Variants in NRXN3 observed in about 807,000 individuals in gnomAD.
The protein encoded by NRXN3 is neurexin III.
In NRXN3, 32 loss-of-function variants were observed where a neutral mutation model predicts 137.6. The observed-to-expected ratio is 0.23, with a 90% confidence interval of 0.18 to 0.31. NRXN3 has a LOEUF of 0.31. Ranked by LOEUF, NRXN3 falls within the 10% of genes least tolerant of loss-of-function variation. NRXN3 has a pLI of 1.00. For missense variants in NRXN3, 1,574 were observed against 2,062.5 expected, an observed-to-expected ratio of 0.76 and a Z score of 4.59; for synonymous variants, 798 against 784.5, an observed-to-expected ratio of 1.02 and a Z score of -0.29.
intron 2 of NRXN3, among the ~76,000 whole-genome samples, chr14:78,274,079 C>T (rs1282910028): frequency 3.9e-5 from 6 of 152,150 alleles, no homozygotes; most frequent in East Asian, 1.9e-4. Flanking sequence ...ACCTGTCCGT[C>T]CAAATGATCT....
chr14:79,140,253 G>T (rs1298905060), intron 15 of NRXN3, among the ~76,000 whole-genome samples: 1 of 152,072 alleles, frequency 6.6e-6, no homozygotes, highest in Non-Finnish European at 1.5e-5. Context: ...TGGTCATATG[G>T]TGCTTACATG....
chr14:78,623,740 G>C lies in NRXN3; in HGVS notation c.758-21380G>C, dbSNP rs546282316. On this transcript the variant is annotated intron_variant, in intron 4 of 20. Transcript: ENST00000335750. ...ACACCACCACGCCTGGCTAATTTTTGTATGTTTAGTAGAGACGGGGTTTCA... is the reference window on the plus strand; with the variant it reads ...ACACCACCACGCCTGGCTAATTTTTCTATGTTTAGTAGAGACGGGGTTTCA... Among the ~76,000 whole-genome samples, 4 of 152,132 alleles carry C rather than the reference G, an allele frequency of 2.6e-5. No homozygotes were observed. In the South Asian group the frequency reaches 8.3e-4, roughly 32 times the overall value.
intron 16 of NRXN3, among the ~76,000 whole-genome samples, chr14:79,658,955 C>T (rs1253335626): frequency 6.6e-6 from 1 of 152,200 alleles, no homozygotes; most frequent in Admixed American, 6.5e-5. Context: ...AGATAGCCTT[C>T]AGTGACATCT....
chr14:79,564,479 T>C (rs1402803512), intron 16 of NRXN3, among the ~76,000 whole-genome samples: 2 of 152,148 alleles, frequency 1.3e-5, no homozygotes, highest in Non-Finnish European at 2.9e-5. Context: ...GTTAGCTAAG[T>C]GCTAAATATA....
intron 15 of NRXN3, among the ~76,000 whole-genome samples, chr14:79,215,416 A>G (rs972640218): frequency 7.3e-5 from 11 of 151,694 alleles, no homozygotes; most frequent in African/African-American, 2.7e-4. Flanking sequence ...TATATATAGA[A>G]TTAGTACATT....
chr14:79,228,147 A>T (rs1388980586), intron 15 of NRXN3, among the ~76,000 whole-genome samples: 1 of 152,052 alleles, frequency 6.6e-6, no homozygotes, highest in Non-Finnish European at 1.5e-5. Flanking sequence ...AATGGAACTG[A>T]TGTTAGTGAT....
intron 4 of NRXN3, among the ~76,000 whole-genome samples, chr14:78,310,632 T>C (rs2077874372): frequency 6.6e-6 from 1 of 152,088 alleles, no homozygotes; most frequent in East Asian, 1.9e-4. Flanking sequence ...CAACTGAACC[T>C]GGAATACTAG....
intron 16 of NRXN3, among the ~76,000 whole-genome samples, chr14:79,494,835 C>T (rs2096751250): frequency 6.6e-6 from 1 of 152,112 alleles, no homozygotes; most frequent in African/African-American, 2.4e-5. Context: ...CAGATAATCC[C>T]AGTTTTTCCA....
At chr14:78,806,530 C>A (rs892996548) in intron 9 of NRXN3, among the ~76,000 whole-genome samples, 11 of 152,176 alleles carry the variant, frequency 7.2e-5, no homozygotes, top group African/African-American at 2.2e-4. Context: ...CTAGCCCATG[C>A]ACTAACAATA....
chr14:78,815,321 T>A (rs968996914), intron 10 of NRXN3, among the ~76,000 whole-genome samples: 4 of 152,202 alleles, frequency 2.6e-5, no homozygotes, highest in African/African-American at 7.2e-5. Context: ...ATTCCCTATA[T>A]AAGCTGATAC....
intron 15 of NRXN3, among the ~76,000 whole-genome samples, chr14:79,149,371 G>A (rs1293777583): frequency 6.6e-6 from 1 of 151,708 alleles, no homozygotes; most frequent in Non-Finnish European, 1.5e-5. Flanking sequence ...ACAGAAAAGA[G>A]AAGGTAGGCT....
chr14:78,776,376 T>C (rs2098744971), intron 8 of NRXN3, among the ~76,000 whole-genome samples: 1 of 140,904 alleles, frequency 7.1e-6, no homozygotes, highest in Admixed American at 7.1e-5. Context: ...TTATATAACA[T>C]AGAGACAGAT....
intron 4 of NRXN3, among the ~76,000 whole-genome samples, chr14:78,490,920 G>A (rs1236481397): frequency 6.6e-6 from 1 of 151,938 alleles, no homozygotes; most frequent in South Asian, 2.1e-4. Flanking sequence ...TTTGATGACC[G>A]GTATTTTGTC....
At chr14:78,610,716 G>A (rs982974741) in intron 4 of NRXN3, among the ~76,000 whole-genome samples, 4 of 152,222 alleles carry the variant, frequency 2.6e-5, no homozygotes, top group Non-Finnish European at 5.9e-5. Context: ...GAGATCCAAA[G>A]CCATTCTCTA....
At chr14:78,631,046 T>G (rs2097517406) in intron 4 of NRXN3, among the ~76,000 whole-genome samples, 1 of 152,234 alleles carries the variant, frequency 6.6e-6, no homozygotes, top group South Asian at 2.1e-4. Context: ...GGCATTCTGT[T>G]GTTTATCCTA....
At chr14:79,374,305 G>A (rs565377926) in intron 15 of NRXN3, among the ~76,000 whole-genome samples, 28 of 152,160 alleles carry the variant, frequency 1.8e-4, no homozygotes, top group Admixed American at 1.6e-3. Flanking sequence ...AACTGAGTTC[G>A]TGGCCATTGA....
chr14:79,667,777 A>G (rs1291490248), intron 17 of NRXN3, among the ~76,000 whole-genome samples: 1 of 151,952 alleles, frequency 6.6e-6, no homozygotes, highest in Non-Finnish European at 1.5e-5. Flanking sequence ...TCCCTATACA[A>G]TGCGGTGGTA....
chr14:79,418,303 A>AT (rs1455530270), intron 15 of NRXN3, among the ~76,000 whole-genome samples: 1 of 152,054 alleles, frequency 6.6e-6, no homozygotes, highest in African/African-American at 2.4e-5. Context: ...CTTTAAGTGT[A>AT]TTTTTGTAAT....
intron 20 of NRXN3, among the ~76,000 whole-genome samples, chr14:79,848,224 G>C (rs1269505420): frequency 6.6e-6 from 1 of 152,154 alleles, no homozygotes; most frequent in East Asian, 1.9e-4. Flanking sequence ...AACCAGAAAG[G>C]ACAGTGCAAA....
Sources: allele counts gnomAD v4.1 joint callset (sites outside exome capture counted in the v4.1 genomes callset), GRCh38; gene constraint gnomAD v4.1.1; transcripts MANE v1.5; gene names NCBI Gene and HGNC (gene_info 2026-07-23, HGNC 2026-07-21).